MAPK10: variants seen among roughly 807,000 people sequenced by gnomAD.
The protein encoded by MAPK10 is mitogen-activated protein kinase 10.
MAPK10 carries 25 observed loss-of-function variants against 59.3 expected under a neutral mutation model. That is an observed-to-expected ratio of 0.42 (90% CI 0.31 to 0.59). MAPK10 has a LOEUF of 0.59. Among genes scored for constraint, MAPK10 ranks in the 20% least tolerant of loss-of-function variants. The pLI, the probability that MAPK10 is intolerant of heterozygous loss-of-function variation, is 0.15. For synonymous variants in MAPK10, 190 were observed against 200.5 expected, an observed-to-expected ratio of 0.95 and a Z score of 0.44; for missense variants, 351 against 568.9, an observed-to-expected ratio of 0.62 and a Z score of 3.90.
At chr4:86,431,633 G>A (rs1158081426) in intron 1 of MAPK10, among the ~76,000 whole-genome samples, 1 of 152,184 alleles carries the variant, frequency 6.6e-6, no homozygotes, top group African/African-American at 2.4e-5. Context: ...CCAGCAGAGT[G>A]GCCATTCTGA....
intron 2 of MAPK10, chr4:86,336,570 C>T (rs1381894214): frequency 1.3e-5 from 2 of 152,158 alleles, no homozygotes. Context: ...TCATATCAAA[C>T]AAGGTCTTTG....
intron 1 of MAPK10, among the ~76,000 whole-genome samples, chr4:86,531,496 G>A (rs190871250): frequency 3.3e-5 from 5 of 152,022 alleles, no homozygotes; most frequent in African/African-American, 9.7e-5. Flanking sequence ...TCTCTTCCTC[G>A]ACCCACTGCA....
intron 1 of MAPK10, among the ~76,000 whole-genome samples, chr4:86,488,013 G>A (rs1426568530): frequency 6.6e-6 from 1 of 152,086 alleles, no homozygotes; most frequent in African/African-American, 2.4e-5. Flanking sequence ...GCTACCTAGA[G>A]GACAGCAGAG....
intron 13 of MAPK10, among the ~76,000 whole-genome samples, chr4:86,021,466 C>T (rs964006142): frequency 2.6e-5 from 4 of 152,074 alleles, no homozygotes; most frequent in Non-Finnish European, 4.4e-5. Context: ...AGGGTGCTGA[C>T]TGGTGTATTT....
At chr4:86,379,196 C>T (rs147962278) in intron 1 of MAPK10, among the ~76,000 whole-genome samples, 184 of 152,290 alleles carry the variant, frequency 1.2e-3, no homozygotes, top group African/African-American at 4.1e-3. Context: ...CCTTAAGTCC[C>T]GGCCTAGCAG....
chr4:86,064,850 T>C (rs2046414035), intron 10 of MAPK10: 1 of 153,232 alleles, frequency 6.5e-6, no homozygotes, highest in South Asian at 2.0e-4. Context: ...GTATATAAAT[T>C]GACTTAAGAG....
chr4:86,586,752 T>C (rs549252716), intron 1 of MAPK10, among the ~76,000 whole-genome samples: 1 of 152,270 alleles, frequency 6.6e-6, no homozygotes, highest in Non-Finnish European at 1.5e-5. Flanking sequence ...TGTAGCCAGC[T>C]CTAATAAGTG....
chr4:86,108,377 T>A (rs968133885), intron 4 of MAPK10, among the ~76,000 whole-genome samples: 3 of 152,150 alleles, frequency 2.0e-5, no homozygotes, highest in Non-Finnish European at 4.4e-5. Flanking sequence ...CTGGGTTTTG[T>A]CTTAGTTGTC....
chr4:86,573,615 T>C (rs942466654), intron 1 of MAPK10, among the ~76,000 whole-genome samples: 6 of 152,208 alleles, frequency 3.9e-5, no homozygotes, highest in Non-Finnish European at 8.8e-5. Flanking sequence ...TGCCTATCAA[T>C]TTCTACTCAA....
chr4:86,053,240 C>T (rs2043911962), intron 11 of MAPK10, among the ~76,000 whole-genome samples: 1 of 152,148 alleles, frequency 6.6e-6, no homozygotes, highest in South Asian at 2.1e-4. Context: ...AATATTACCT[C>T]TGCAGAGCAT....
chr4:86,468,930 G>A (rs1221776620), intron 1 of MAPK10, among the ~76,000 whole-genome samples: 3 of 152,100 alleles, frequency 2.0e-5, no homozygotes, highest in African/African-American at 7.2e-5. Flanking sequence ...AGTAGAGGTA[G>A]GATTAGAATT....
intron 2 of MAPK10, among the ~76,000 whole-genome samples, chr4:86,207,673 C>T (rs1343994022): frequency 2.0e-5 from 3 of 152,096 alleles, no homozygotes; most frequent in Admixed American, 6.6e-5. Context: ...TTCTTCCTAC[C>T]CATGAGCATG....
At chr4:86,107,450 G>T in intron 4 of MAPK10, 98 bp from the exon 5 acceptor site, 1 of 1,483,434 alleles carries the variant, frequency 6.7e-7, no homozygotes, top group East Asian at 2.5e-5. Flanking sequence ...ATGCTATTTC[G>T]GAATCTTAGA....
chr4:86,031,029 T>C (rs1020931331), intron 12 of MAPK10, among the ~76,000 whole-genome samples: 1 of 152,260 alleles, frequency 6.6e-6, no homozygotes, highest in African/African-American at 2.4e-5. Context: ...TGATTTTATG[T>C]ACAAACATAG....
At chr4:86,547,024 C>T (rs1759242068) in intron 1 of MAPK10, among the ~76,000 whole-genome samples, 1 of 152,164 alleles carries the variant, frequency 6.6e-6, no homozygotes, top group Non-Finnish European at 1.5e-5. Flanking sequence ...TGCACTCCAG[C>T]CTGGGCGACA....
At chr4:86,534,905 C>CAAAAAAA (rs1758118217) in intron 1 of MAPK10, among the ~76,000 whole-genome samples, 1 of 151,796 alleles carries the variant, frequency 6.6e-6, no homozygotes, top group African/African-American at 2.4e-5. Flanking sequence ...GACTCTGTCT[C>CAAAAAAA]AAAAACAAAA....
chr4:86,426,172 T>C (rs1747256620), intron 1 of MAPK10, among the ~76,000 whole-genome samples: 1 of 152,264 alleles, frequency 6.6e-6, no homozygotes, highest in Non-Finnish European at 1.5e-5. Context: ...GCTATATTAC[T>C]GTGAAGTATG....
chr4:86,512,716 A>G (rs780805773), intron 1 of MAPK10, among the ~76,000 whole-genome samples: 1 of 152,182 alleles, frequency 6.6e-6, no homozygotes, highest in Admixed American at 6.5e-5. Context: ...CTCCCATGGA[A>G]TTACTAAAAA....
At chr4:86,107,383 A>C in intron 4 of MAPK10, 31 bp from the exon 5 acceptor site, 3 of 1,591,680 alleles carry the variant, frequency 1.9e-6, no homozygotes, top group Non-Finnish European at 2.6e-6. Flanking sequence ...CTCAGAATTA[A>C]GAACAAAAGA....
Sources: gnomAD v4.1 joint callset for allele counts (sites outside exome capture counted in the v4.1 genomes callset) on GRCh38, gnomAD v4.1.1 for gene constraint, MANE v1.5 for transcripts, NCBI Gene and HGNC (gene_info 2026-07-23, HGNC 2026-07-21) for gene names.